MYO1E: variants seen among roughly 807,000 people sequenced by gnomAD.
The protein encoded by MYO1E is myosin IE.
A neutral mutation model predicts 151.1 loss-of-function variants in MYO1E; 68 were observed. That is an observed-to-expected ratio of 0.45 (90% CI 0.37 to 0.55). MYO1E has a LOEUF of 0.55. Ranked by LOEUF, MYO1E falls within the 20% of genes least tolerant of loss-of-function variation. The pLI, the probability that MYO1E is intolerant of heterozygous loss-of-function variation, is 0.00. For missense variants in MYO1E, 1,363 were observed against 1,389.3 expected, an observed-to-expected ratio of 0.98 and a Z score of 0.30; for synonymous variants, 601 against 501.7, an observed-to-expected ratio of 1.20 and a Z score of -2.64.
intron 6 of MYO1E, among the ~76,000 whole-genome samples, chr15:59,230,636 A>G (rs1455850519): frequency 1.3e-5 from 2 of 152,232 alleles, no homozygotes; most frequent in Non-Finnish European, 2.9e-5. Flanking sequence ...TGAGAGACAA[A>G]CAAATGAGTA....
intron 10 of MYO1E, among the ~76,000 whole-genome samples, chr15:59,216,691 T>TACACACACACACAC (rs199582846): frequency 3.5e-5 from 2 of 56,516 alleles, no homozygotes; most frequent in African/African-American, 7.2e-5. Context: ...TATATACACA[T>TACACACACACACAC]ACACACACAC....
At chr15:59,301,655 G>A (rs1275954115) in intron 1 of MYO1E, among the ~76,000 whole-genome samples, 1 of 152,188 alleles carries the variant, frequency 6.6e-6, no homozygotes, top group African/African-American at 2.4e-5. Context: ...GCTTTATTGT[G>A]GCTAAGTCCA....
intron 1 of MYO1E, among the ~76,000 whole-genome samples, 197 bp downstream of exon 1, chr15:59,372,301 C>T (rs2080951261): frequency 6.6e-6 from 1 of 152,284 alleles, no homozygotes; most frequent in Non-Finnish European, 1.5e-5. Flanking sequence ...ATAAAGTTTT[C>T]CTTGGCCCCT....
At chr15:59,152,792 C>T (rs1431196875) in intron 26 of MYO1E, among the ~76,000 whole-genome samples, 1 of 152,186 alleles carries the variant, frequency 6.6e-6, no homozygotes, top group African/African-American at 2.4e-5. Context: ...CATTTGACAA[C>T]ACTACTCTGA....
chr15:59,180,974 C>T (rs1378837767), intron 18 of MYO1E, among the ~76,000 whole-genome samples: 1 of 152,190 alleles, frequency 6.6e-6, no homozygotes, highest in Non-Finnish European at 1.5e-5. Context: ...CTGTTCCCTG[C>T]TCTTGTTATC....
chr15:59,273,250 T>C (rs1216952809), intron 1 of MYO1E, among the ~76,000 whole-genome samples: 2 of 152,180 alleles, frequency 1.3e-5, no homozygotes, highest in East Asian at 1.9e-4. Context: ...CTGAACACTC[T>C]GTGGGCTGCA....
At chr15:59,308,456 G>A (rs2080529294) in intron 1 of MYO1E, among the ~76,000 whole-genome samples, 1 of 151,974 alleles carries the variant, frequency 6.6e-6, no homozygotes, top group Non-Finnish European at 1.5e-5. Flanking sequence ...TGGATCACCT[G>A]AGGTCAGCAG....
Position 59,224,804 on chromosome 15 carries a change from G to A in MYO1E, c.662C>T (p.Ala221Val). Residue 221 changes from alanine to valine, a missense_variant, in exon 8 of 28, where the codon GCA becomes GTA. Coordinates refer to ENST00000288235, the MANE Select transcript of MYO1E (RefSeq NM_004998.4). Reference protein sequence around the residue: ...IFYQLIEGASAEQKHSLGITS... With the variant: ...IFYQLIEGASVEQKHSLGITS... ...GATGCCAAGGCTGTGTTTCTGCTCT[G>A]CAGAGGCGCCCTCGATGAGCTGGAG... 6.2e-7 allele frequency: 1 copy of A among 1,614,216 alleles called. No individual in the cohort carries two copies.
intron 8 of MYO1E, among the ~76,000 whole-genome samples, chr15:59,224,417 G>A (rs1391847451): frequency 2.0e-5 from 3 of 152,146 alleles, no homozygotes; most frequent in Non-Finnish European, 4.4e-5. Flanking sequence ...CTCAACGTAT[G>A]AATCATTTTT....
intron 26 of MYO1E, among the ~76,000 whole-genome samples, chr15:59,145,166 C>T (rs767254976): frequency 4.0e-4 from 61 of 152,074 alleles, no homozygotes; most frequent in South Asian, 6.2e-4. Context: ...AAAGAAACTG[C>T]CAGAAATTTG....
chr15:59,237,760 G>A (rs1329703181), intron 4 of MYO1E, among the ~76,000 whole-genome samples: 1 of 152,206 alleles, frequency 6.6e-6, no homozygotes, highest in Non-Finnish European at 1.5e-5. Flanking sequence ...ACATTTGCTT[G>A]GGGAACAACC....
chr15:59,295,046 AGTGACC>A (rs1190746400), intron 1 of MYO1E, among the ~76,000 whole-genome samples: 1 of 152,090 alleles, frequency 6.6e-6, no homozygotes, highest in East Asian at 1.9e-4. Flanking sequence ...CTCAACTGTA[AGTGACC>A]TGAGGATGGG....
rs779481096 is a variant in MYO1E at position 59,224,715 on chromosome 15, C to T, written c.751G>A (p.Asp251Asn). ...AGAGTTTCCTGAAACTCCCGCCTGT[C>T]GTCAATGTCATCAACCTTGTATGAG... ...SGSYKVDDID[D>N]RREFQETLHA... Residue 251 changes from aspartate to asparagine, a missense_variant, in exon 8 of 28, where the codon GAC becomes AAC. By Grantham distance (23) the Asp-to-Asn change is conservative (BLOSUM62 1). Transcript: ENST00000288235. The T allele has an allele frequency of 1.6e-5, 26 of 1,614,080 alleles. No individual in the cohort carries two copies. Among genetic ancestry groups the T allele is most frequent in the East Asian group, 6.7e-5 (3 of 44,894 alleles).
chr15:59,320,602 A>G (rs2080619746), intron 1 of MYO1E, among the ~76,000 whole-genome samples: 1 of 152,254 alleles, frequency 6.6e-6, no homozygotes, highest in South Asian at 2.1e-4. Context: ...TTCCTATTCA[A>G]TAAATGGTGC....
chr15:59,269,576 T>C (rs2080277408), intron 2 of MYO1E, among the ~76,000 whole-genome samples: 2 of 152,308 alleles, frequency 1.3e-5, no homozygotes, highest in Admixed American at 6.5e-5. Flanking sequence ...TAAATGAAGC[T>C]GCTGGGCGCA....
intron 19 of MYO1E, among the ~76,000 whole-genome samples, chr15:59,176,030 C>T (rs1177463418): frequency 6.7e-6 from 1 of 149,928 alleles, no homozygotes; most frequent in African/African-American, 2.4e-5. Context: ...CAAAAACAAA[C>T]CCTATGGTGT....
intron 4 of MYO1E, among the ~76,000 whole-genome samples, chr15:59,238,588 T>C (rs551445664): frequency 6.6e-6 from 1 of 152,278 alleles, no homozygotes; most frequent in South Asian, 2.1e-4. Flanking sequence ...AATGGTTTTT[T>C]TGAAATGGAG....
chr15:59,272,567 CAG>C, intron 1 of MYO1E, 118 bp from the exon 2 acceptor site: 1 of 1,130,268 alleles, frequency 8.8e-7, no homozygotes, highest in South Asian at 1.3e-5. Context: ...AAGAGCAGTG[CAG>C]AGAAAGATTC....
intron 1 of MYO1E, among the ~76,000 whole-genome samples, chr15:59,281,788 TA>T (rs1420928691): frequency 2.0e-5 from 3 of 152,096 alleles, no homozygotes; most frequent in African/African-American, 7.2e-5. Flanking sequence ...CTTCAACATG[TA>T]AAAATAGCTA....
Sources: allele counts gnomAD v4.1 joint callset (sites outside exome capture counted in the v4.1 genomes callset), GRCh38; gene constraint gnomAD v4.1.1; transcripts MANE v1.5; gene names NCBI Gene and HGNC (gene_info 2026-07-23, HGNC 2026-07-21).